Variants in NDST1 observed in about 807,000 individuals in gnomAD.
NDST1 encodes the protein bifunctional heparan sulfate N-deacetylase/N-sulfotransferase 1.
A neutral mutation model predicts 92.8 loss-of-function variants in NDST1; 35 were observed. The ratio of observed to expected loss-of-function variants is 0.38; its 90% CI spans 0.29 to 0.50. The LOEUF (loss-of-function observed/expected upper bound fraction) is 0.50, where lower values mean the gene tolerates loss of function less well. Ranked by LOEUF, NDST1 falls within the 20% of genes least tolerant of loss-of-function variation. The pLI is 0.94. For missense variants in NDST1, 822 were observed against 1,182.7 expected (o/e 0.69, Z 4.47); for synonymous variants, 493 against 500.3 (o/e 0.99, Z 0.19).
intron 6 of NDST1, 112 bp from the exon 7 acceptor site, chr5:150,539,116 A>C: frequency 1.1e-6 from 1 of 887,636 alleles, no homozygotes; most frequent in Non-Finnish European, 1.9e-6. Context: ...GTGCGACCAC[A>C]TGGAGACTGC....
chr5:150,556,005 G>A lies in NDST1; in HGVS notation c.*2673G>A, dbSNP rs1755861400. Reference sequence around the variant, plus strand: ...CACTGCCGGGACTTGCAGGTATGGGGGGTAGAAGGAGAGGCAGATAAGCTG... The same window carrying A: ...CACTGCCGGGACTTGCAGGTATGGGAGGTAGAAGGAGAGGCAGATAAGCTG... On this transcript the variant is annotated 3_prime_UTR_variant, in exon 15 of 15. Transcript: ENST00000261797. The A allele has an allele frequency of 6.6e-6, 1 of 152,400 alleles. No homozygotes were observed. The allele number at this position is 152,400 out of a possible 1,614,324, so 9.4% of individuals were successfully genotyped here.
chr5:150,512,169 C>T (rs1156660667), intron 1 of NDST1, among the ~76,000 whole-genome samples: 1 of 152,086 alleles, frequency 6.6e-6, no homozygotes, highest in Non-Finnish European at 1.5e-5. Flanking sequence ...CTCTCAGCCC[C>T]CACCCCATGT....
At chr5:150,526,802 G>A (rs1477095848) in intron 2 of NDST1, among the ~76,000 whole-genome samples, 3 of 152,218 alleles carry the variant, frequency 2.0e-5, no homozygotes, top group African/African-American at 7.2e-5. Context: ...ACCATATTCA[G>A]GGGCAGGTGG....
intron 1 of NDST1, among the ~76,000 whole-genome samples, chr5:150,518,482 T>C (rs1754087077): frequency 1.3e-5 from 2 of 152,196 alleles, no homozygotes; most frequent in Non-Finnish European, 2.9e-5. Flanking sequence ...CAGTGCATCA[T>C]GGCAGAGCTG....
intron 4 of NDST1, 52 bp downstream of exon 4, chr5:150,533,084 C>T: frequency 1.3e-6 from 2 of 1,545,170 alleles, no homozygotes; most frequent in African/African-American, 2.7e-5. Context: ...CTCCTCAGCA[C>T]CCAAACCCTC....
intron 9 of NDST1, among the ~76,000 whole-genome samples, chr5:150,542,615 T>G (rs936397234): frequency 6.6e-6 from 1 of 152,238 alleles, no homozygotes; most frequent in African/African-American, 2.4e-5. Context: ...CTGTGATAGA[T>G]TAGCGATGTC....
chr5:150,548,515 T>A, intron 12 of NDST1, 127 bp downstream of exon 12: 1 of 975,608 alleles, frequency 1.0e-6, no homozygotes, highest in Non-Finnish European at 1.5e-6. Context: ...GCTAGACCCT[T>A]GGGTCTATAA....
chr5:150,545,616 A>G, intron 11 of NDST1, 130 bp downstream of exon 11: 1 of 1,197,556 alleles, frequency 8.4e-7, no homozygotes, highest in Non-Finnish European at 1.2e-6. Context: ...AGGCGCCTGG[A>G]GCGTGGTGAT....
chr5:150,521,765 A>G lies in NDST1; in HGVS notation c.511A>G (p.Lys171Glu), dbSNP rs1279417998. 1.9e-6 allele frequency: 3 copies of G among 1,613,054 alleles called. No homozygotes were observed. Among genetic ancestry groups the G allele is most frequent in the Non-Finnish European group, 2.5e-6 (3 of 1,180,026 alleles). ...AYGVGIIGFFKANENSLLSAQ... is the reference protein window; with the variant it reads ...AYGVGIIGFFEANENSLLSAQ... ...CGGCGTGGGCATCATTGGCTTCTTC[A>G]AGGTACACAAGAAGCAGGGTCCCCG... Residue 171 changes from lysine to glutamate, a missense_variant and splice_region_variant, in exon 2 of 15, where the codon AAG (lysine) becomes GAG (glutamate). Physicochemically the swap from Lys to Glu is moderately conservative, Grantham distance 56 (BLOSUM62 1). Transcript: ENST00000261797. The surrounding 1 kb of genome is among the most constrained non-coding windows in gnomAD (Gnocchi z 5.9).
At chr5:150,544,839 T>A (rs1755409140) in intron 10 of NDST1, among the ~76,000 whole-genome samples, 1 of 152,006 alleles carries the variant, frequency 6.6e-6, no homozygotes. Context: ...TAGAAGGTGT[T>A]CCCCCAGGTC....
In NDST1 at chr5:150,548,238, C is replaced by T; in HGVS notation, c.2166C>T (p.Asp722=). The T allele has an allele frequency of 6.2e-7, 1 of 1,614,218 alleles. No homozygotes were observed. The highest frequency in any genetic ancestry group is 1.1e-5 in the South Asian group (1 of 91,092). ...TGCAGCACCAGCGAGCCCATGACGA[C>T]CCAGTGGCCCTAAAGTACACCTTCC... is the stretch of plus-strand genomic sequence containing the variant. ...SWYQHQRAHD[D]PVALKYTFHE... Residue 722 remains aspartate, a synonymous_variant, in exon 12 of 15, where the codon GAC becomes GAT. Coordinates refer to ENST00000261797, the MANE Select transcript of NDST1 (RefSeq NM_001543.5).
chr5:150,506,206 G>A (rs1225931116), upstream of NDST1, among the ~76,000 whole-genome samples: 1 of 152,164 alleles, frequency 6.6e-6, no homozygotes, highest in Non-Finnish European at 1.5e-5. Context: ...AACCTCCTGG[G>A]CTCAGGTGAT....
chr5:150,521,295 T>C lies in NDST1; in HGVS notation c.41T>C (p.Val14Ala), dbSNP rs1222119334. ...LACLRRLCRH[V>A]SPQAVLFLLF... ...TGCCTCCGGAGGCTGTGTCGGCACG[T>C]GTCCCCGCAGGCTGTCCTTTTCCTG... is the stretch of plus-strand genomic sequence containing the variant. Residue 14 changes from valine (V) to alanine (A), a missense_variant, in exon 2 of 15, where the codon GTG becomes GCG. Transcript: ENST00000261797. This position sits in a 1 kb window ranked among gnomAD's most constrained non-coding sequence, Gnocchi z 5.9. 3 of 1,612,374 alleles carry C rather than the reference T, an allele frequency of 1.9e-6. No homozygotes were observed. The highest frequency in any genetic ancestry group is 2.5e-6 in the Non-Finnish European group (3 of 1,179,870).
intron 9 of NDST1, among the ~76,000 whole-genome samples, chr5:150,542,255 C>T (rs1581400904): frequency 6.6e-6 from 1 of 152,192 alleles, no homozygotes; most frequent in Admixed American, 6.5e-5. Context: ...GCCTCCTTCT[C>T]TTCTGGGCTC....
chr5:150,506,398 G>C (rs905367442), upstream of NDST1, among the ~76,000 whole-genome samples: 1 of 152,118 alleles, frequency 6.6e-6, no homozygotes, highest in African/African-American at 2.4e-5. Context: ...GATGACAGGC[G>C]TGAGCCACTG....
At position 150,541,580 on chromosome 5, in the gene NDST1, A is replaced by G. The variant is rs750126972; in HGVS notation, c.1760A>G (p.Glu587Gly). 6.8e-6 allele frequency: 11 copies of G among 1,614,194 alleles called. No individual in the cohort carries two copies. The highest frequency in any genetic ancestry group is 1.7e-5 in the Admixed American group (1 of 60,024). ...CCACTGTTGTTTTAGGACCCCTGCG[A>G]GGACAAACGTCACAAAGACATCTGG... is the stretch of plus-strand genomic sequence containing the variant. Reference protein sequence around the residue: ...EKDPLWQDPCEDKRHKDIWSK... With the variant: ...EKDPLWQDPCGDKRHKDIWSK... Residue 587 changes from glutamate to glycine, a missense_variant, in exon 9 of 15, where the codon GAG becomes GGG. Physicochemically the swap from Glu to Gly is moderately conservative, Grantham distance 98 (BLOSUM62 -2). Coordinates refer to ENST00000261797, the MANE Select transcript of NDST1 (RefSeq NM_001543.5).
intron 11 of NDST1, among the ~76,000 whole-genome samples, chr5:150,547,774 C>T (rs1433352030): frequency 6.6e-6 from 1 of 152,206 alleles, no homozygotes; most frequent in African/African-American, 2.4e-5. Context: ...CAACCTCCAC[C>T]CCCCGAGTTT....
Position 150,534,998 on chromosome 5 carries a change from G to A in NDST1, c.1228G>A (p.Ala410Thr). Residue 410 changes from alanine to threonine, a missense_variant, in exon 5 of 15, where the codon GCC becomes ACC. Coordinates refer to ENST00000261797, the MANE Select transcript of NDST1 (RefSeq NM_001543.5). ...HNQSVLAEQMALNKKFAVEHG... is the reference protein window; with the variant it reads ...HNQSVLAEQMTLNKKFAVEHG... ...CCAGTCCGTGTTGGCCGAGCAGATG[G>A]CCTTGAACAAGAAGTTCGCTGTCGT... 6.2e-7 allele frequency: 1 copy of A among 1,614,252 alleles called. No individual in the cohort carries two copies.
At position 150,549,740 on chromosome 5, in the gene NDST1, G is replaced by A. The variant is rs1438914920; in HGVS notation, c.2379G>A (p.Gln793=). 1 of 1,614,138 alleles carries A rather than the reference G, an allele frequency of 6.2e-7. No individual in the cohort carries two copies. The highest frequency in any genetic ancestry group is 1.1e-5 in the South Asian group (1 of 91,078). ...CTGCCAAAGTGATGGACATGGTGCA[G>A]AAGTTCCTTGGGGTGACCAACACCA... ...TEPAKVMDMV[Q]KFLGVTNTID... Residue 793 remains glutamine (Q), a synonymous_variant, in exon 13 of 15, where the codon CAG becomes CAA. Coordinates refer to ENST00000261797, the MANE Select transcript of NDST1 (RefSeq NM_001543.5).
Sources: allele counts gnomAD v4.1 joint callset (sites outside exome capture counted in the v4.1 genomes callset), GRCh38; gene constraint gnomAD v4.1.1; non-coding constraint Gnocchi (gnomAD v3.1); transcripts MANE v1.5; gene names NCBI Gene and HGNC (gene_info 2026-07-23, HGNC 2026-07-21).